The following STOM variants were observed in gnomAD, a reference collection of about 807,000 sequenced individuals.
STOM encodes the protein erythrocyte band 7 integral membrane protein.
Under a neutral mutation model 30.6 loss-of-function variants are expected in STOM, and 25 were observed. The ratio of observed to expected loss-of-function variants is 0.82; its 90% confidence interval spans 0.60 to 1.14. STOM has a LOEUF of 1.14. Among genes scored for constraint, STOM ranks in the 50% most tolerant of loss-of-function variants. STOM has a pLI of 0.00. For synonymous variants in STOM, 118 were observed against 130.8 expected (o/e 0.90, Z 0.67); for missense variants, 292 against 365.2 (o/e 0.80, Z 1.63).
chr9:121,367,626 TGCATC>T (rs1428926565), intron 1 of STOM, among the ~76,000 whole-genome samples: 5 of 152,246 alleles, frequency 3.3e-5, no homozygotes, highest in African/African-American at 9.6e-5. Flanking sequence ...ACAAAGTGAA[TGCATC>T]GCCTTTAAGA....
At position 121,341,157 on chromosome 9, in the gene STOM, T is replaced by C. The variant is rs1204151840; in HGVS notation, c.*45A>G. ...CTCTCTTTATGAGTTAAAGGCTAAT[T>C]TGGTCCCCGACTTCATGCTTGGAAG... On this transcript the variant is annotated 3_prime_UTR_variant, in exon 7 of 7. Coordinates refer to ENST00000286713, the MANE Select transcript of STOM (RefSeq NM_004099.6). The C allele has an allele frequency of 6.2e-7, 1 of 1,612,124 alleles. No individual in the cohort carries two copies.
chr9:121,348,339 T>G (rs1428903434), intron 5 of STOM, among the ~76,000 whole-genome samples, 190 bp from the exon 6 acceptor site: 2 of 152,244 alleles, frequency 1.3e-5, no homozygotes, highest in African/African-American at 4.8e-5. Context: ...AACAAGCTAA[T>G]GCAGGGGTTA....
Position 121,348,154 on chromosome 9 carries a change from T to TA in STOM, c.526-6dup. 1 of 1,614,078 alleles carries TA rather than the reference T, an allele frequency of 6.2e-7. No individual in the cohort carries two copies. The highest frequency in any genetic ancestry group is 8.5e-7 in the Non-Finnish European group (1 of 1,179,984). ...AGTGGCATCATCCAGAGTAGACTGT[T>TA]AGGAAGAGAGAAGGCAAGCTAAATC... On this transcript the variant is annotated splice_polypyrimidine_tract_variant and splice_region_variant and intron_variant, in intron 5 of 6. Coordinates refer to ENST00000286713, the MANE Select transcript of STOM (RefSeq NM_004099.6).
chr9:121,364,537 T>A (rs2064485049), intron 1 of STOM, among the ~76,000 whole-genome samples: 1 of 152,214 alleles, frequency 6.6e-6, no homozygotes, highest in South Asian at 2.1e-4. Flanking sequence ...TTACAAAGCT[T>A]AAAATGTGTT....
Position 121,370,210 on chromosome 9 carries a change from T to C in STOM, c.-23A>G, listed in dbSNP as rs574837646. The C allele has an allele frequency of 3.2e-6, 5 of 1,543,012 alleles. No homozygotes were observed. Among genetic ancestry groups the C allele is most frequent in the South Asian group, 1.2e-5 (1 of 83,786 alleles). On this transcript the variant is annotated 5_prime_UTR_variant, in exon 1 of 7. Coordinates refer to ENST00000286713, the MANE Select transcript of STOM (RefSeq NM_004099.6). Reference sequence around the variant, plus strand: ...CATGCTGCCCGAGACGCAGTCGCACTCCCCCGTCCTCGTTGCCAAACCCGG... The same window carrying C: ...CATGCTGCCCGAGACGCAGTCGCACCCCCCCGTCCTCGTTGCCAAACCCGG...
intron 1 of STOM, among the ~76,000 whole-genome samples, chr9:121,359,765 A>C (rs1039279416): frequency 6.6e-6 from 1 of 152,194 alleles, no homozygotes; most frequent in African/African-American, 2.4e-5. Context: ...CCCGTGTTCC[A>C]AATTCACCCC....
chr9:121,352,003 G>A (rs1457575380), intron 4 of STOM, among the ~76,000 whole-genome samples: 1 of 152,110 alleles, frequency 6.6e-6, no homozygotes, highest in African/African-American at 2.4e-5. Flanking sequence ...AAATGTGGTA[G>A]TAAAAATGTT....
At position 121,341,318 on chromosome 9, in the gene STOM, G is replaced by A. The variant is rs551647239; in HGVS notation, c.751C>T (p.Arg251Ter). The A allele has an allele frequency of 5.6e-6, 9 of 1,614,118 alleles. No homozygotes were observed. The highest frequency in any genetic ancestry group is 2.2e-5 in the East Asian group (1 of 44,876). Residue 251 changes from arginine (R) to a stop codon, truncating the protein, a stop_gained, in exon 7 of 7, where the codon CGA becomes TGA. Coordinates refer to ENST00000286713, the MANE Select transcript of STOM (RefSeq NM_004099.6). LOFTEE classifies it high-confidence loss of function. ...ATGGTGGTCAGTGTCTGCAGGTATC[G>A]GAGCTGAAGGGCTGCAGGAGATTCA... ...ITESPAALQL[R>*]YLQTLTTIAA... is the part of the protein sequence containing the mutation.
At chr9:121,363,066 G>C (rs1322631823) in intron 1 of STOM, among the ~76,000 whole-genome samples, 1 of 152,160 alleles carries the variant, frequency 6.6e-6, no homozygotes, top group African/African-American at 2.4e-5. Context: ...GATTTCCTCT[G>C]CTGAGAATCT....
At chr9:121,342,443 G>A (rs1036222584) in intron 6 of STOM, among the ~76,000 whole-genome samples, 2 of 151,896 alleles carry the variant, frequency 1.3e-5, no homozygotes, top group Non-Finnish European at 2.9e-5. Context: ...TTAGTTACAG[G>A]AAATTTTTAA....
At chr9:121,354,870 AG>A (rs2134033696) in intron 2 of STOM, among the ~76,000 whole-genome samples, 197 bp from the exon 3 acceptor site, 1 of 152,362 alleles carries the variant, frequency 6.6e-6, no homozygotes, top group African/African-American at 2.4e-5. Context: ...TGATTACAAA[AG>A]CAATAGATAT....
At chr9:121,362,232 AAATGATAGCT>A (rs1419193810) in intron 1 of STOM, among the ~76,000 whole-genome samples, 1 of 152,200 alleles carries the variant, frequency 6.6e-6, no homozygotes, top group African/African-American at 2.4e-5. Flanking sequence ...TAAAAATTAG[AAATGATAGCT>A]CAACAAACAG....
intron 1 of STOM, chr9:121,366,108 T>C: frequency 2.0e-6 from 2 of 985,120 alleles, no homozygotes; most frequent in Non-Finnish European, 2.4e-6. Flanking sequence ...TATATTCTAC[T>C]ACCTTACCAT....
chr9:121,349,330 G>A lies in STOM; in HGVS notation c.322-7C>T, dbSNP rs747081054. The A allele has an allele frequency of 3.3e-5, 53 of 1,613,464 alleles. No homozygotes were observed. The highest frequency in any genetic ancestry group is 4.4e-5 in the Non-Finnish European group (52 of 1,179,466). ...CTGAATCCTTTGTGAGGATCTACAA[G>A]ATGAAGGAAGCAATTTTACATCTGT... On this transcript the variant is annotated splice_region_variant and splice_polypyrimidine_tract_variant and intron_variant, in intron 4 of 6. Transcript: ENST00000286713.
chr9:121,355,998 G>C (rs998359150), intron 2 of STOM, 55 bp downstream of exon 2: 7 of 1,382,850 alleles, frequency 5.1e-6, no homozygotes, highest in Non-Finnish European at 7.2e-6. Flanking sequence ...ACACGAAGTA[G>C]GTTTATGGAG....
At chr9:121,353,820 C>T (rs1027247894) in intron 3 of STOM, among the ~76,000 whole-genome samples, 2 of 152,210 alleles carry the variant, frequency 1.3e-5, no homozygotes, top group African/African-American at 2.4e-5. Context: ...ATTTCCGCCG[C>T]AAACACCTCC....
rs59413540 is a variant in STOM at position 121,351,701 on chromosome 9, C to T, written c.321+1519G>A. On this transcript the variant is annotated intron_variant, in intron 4 of 6. Coordinates refer to ENST00000286713, the MANE Select transcript of STOM (RefSeq NM_004099.6). ...AAAAAACAGCACTATACAAAGAATC[C>T]GAAGAGCTCAATTTTAGTCTTGGCT... Among the ~76,000 whole-genome samples, 820 of 152,296 alleles carry T rather than the reference C, an allele frequency of 5.4e-3. 7 individuals are homozygous for T. Among genetic ancestry groups the T allele is most frequent in the African/African-American group, 0.019 (772 of 41,564 alleles).
At chr9:121,364,240 G>A (rs2064482547) in intron 1 of STOM, among the ~76,000 whole-genome samples, 1 of 152,166 alleles carries the variant, frequency 6.6e-6, no homozygotes, top group South Asian at 2.1e-4. Flanking sequence ...ATCAAAACTT[G>A]CAATTCATTT....
At chr9:121,364,809 T>A (rs1414643660) in intron 1 of STOM, among the ~76,000 whole-genome samples, 1 of 152,222 alleles carries the variant, frequency 6.6e-6, no homozygotes, top group East Asian at 1.9e-4. Flanking sequence ...AATAGCCCTT[T>A]ACCCTTTTAA....
Sources: gnomAD v4.1 joint callset for allele counts (sites outside exome capture counted in the v4.1 genomes callset) on GRCh38, gnomAD v4.1.1 for gene constraint, MANE v1.5 for transcripts, NCBI Gene and HGNC (gene_info 2026-07-23, HGNC 2026-07-21) for gene names.